AFF4: variants seen among roughly 807,000 people sequenced by gnomAD.
AFF4 encodes the protein ALF transcription elongation factor 4.
AFF4 carries 13 observed loss-of-function variants against 124.8 expected under a neutral mutation model. The observed-to-expected ratio is 0.10, with a 90% CI of 0.07 to 0.17. AFF4 has a LOEUF of 0.17. AFF4 is among the 10% of genes least tolerant of loss of function. The probability of loss-of-function intolerance (pLI) is 1.00; values close to 1 mark genes in which losing one functional copy is unlikely to be tolerated. For synonymous variants in AFF4, 477 were observed against 496.1 expected (o/e 0.96, Z 0.51); for missense variants, 1,092 against 1,403.8 (o/e 0.78, Z 3.55).
chr5:132,891,958 A>G, intron 13 of AFF4: 2 of 744,860 alleles, frequency 2.7e-6, no homozygotes, highest in South Asian at 3.9e-5. Context: ...TTTTTCTTTC[A>G]ATATGTATGT....
chr5:132,937,932 T>C (rs777879373), intron 1 of AFF4, among the ~76,000 whole-genome samples: 6 of 152,178 alleles, frequency 3.9e-5, no homozygotes, highest in Non-Finnish European at 8.8e-5. Context: ...TCAGGACAGT[T>C]TGTCTTATTT....
intron 1 of AFF4, among the ~76,000 whole-genome samples, chr5:132,945,895 T>C (rs1210056257): frequency 1.3e-5 from 2 of 151,702 alleles, no homozygotes; most frequent in Non-Finnish European, 2.9e-5. Context: ...ACCCCGTCTC[T>C]ACTAAAAATA....
chr5:132,900,462 TAGG>T (rs1760522766), intron 7 of AFF4, among the ~76,000 whole-genome samples: 1 of 151,664 alleles, frequency 6.6e-6, no homozygotes, highest in Admixed American at 6.6e-5. Flanking sequence ...GAGGATGAGG[TAGG>T]AGGAGAATTG....
chr5:132,925,444 T>C (rs1241112959), intron 5 of AFF4, among the ~76,000 whole-genome samples: 1 of 152,014 alleles, frequency 6.6e-6, no homozygotes, highest in East Asian at 1.9e-4. Flanking sequence ...GAGAAAGATA[T>C]ATTTTATTCA....
At chr5:132,931,009 A>C (rs915614834) in intron 4 of AFF4, among the ~76,000 whole-genome samples, 5 of 148,688 alleles carry the variant, frequency 3.4e-5, no homozygotes, top group African/African-American at 1.2e-4. Context: ...CAGGAGGCTG[A>C]GGCAGAAGAA....
intron 1 of AFF4, chr5:132,943,225 A>C (rs910441289): frequency 5.5e-6 from 1 of 182,528 alleles, no homozygotes. Context: ...AACAAAATGG[A>C]TTCCACTTAG....
chr5:132,956,080 C>G (rs1316669106), intron 1 of AFF4, among the ~76,000 whole-genome samples: 1 of 151,800 alleles, frequency 6.6e-6, no homozygotes, highest in African/African-American at 2.4e-5. Context: ...AAAACCCTAA[C>G]AGCCACCAAG....
At position 132,880,139 on chromosome 5, in the gene AFF4, TC is replaced by T. The variant is rs1759937501; in HGVS notation, c.*919del. 1.5e-5 allele frequency: 6 copies of T among 398,496 alleles called. No individual in the cohort carries two copies. Among genetic ancestry groups the T allele is most frequent in the Non-Finnish European group, 2.7e-5 (6 of 225,880 alleles). The allele number at this position is 398,496 out of a possible 1,614,324, so 24.7% of individuals were successfully genotyped here. A position where few individuals can be genotyped will look rare whatever the true frequency, so the allele number is the denominator to read the frequency against. ...GCGGCAATCCTCAGGAGTTGGATCA[TC>T]CTTTTTTCCACAGTAACTTATTCTG... On this transcript the variant is annotated 3_prime_UTR_variant, in exon 21 of 21. Coordinates refer to ENST00000265343, the MANE Select transcript of AFF4 (RefSeq NM_014423.4).
chr5:132,904,322 C>A, intron 6 of AFF4, 46 bp downstream of exon 6: 2 of 1,543,088 alleles, frequency 1.3e-6, no homozygotes, highest in South Asian at 2.3e-5. Context: ...ACTGAATGTT[C>A]AATAAATAGC....
At chr5:132,881,222 C>G in intron 20 of AFF4, 36 bp from the exon 21 acceptor site, 1 of 1,603,268 alleles carries the variant, frequency 6.2e-7, no homozygotes, top group Non-Finnish European at 8.5e-7. Flanking sequence ...ATGATATATA[C>G]TCTTTTGAAT....
chr5:132,958,150 T>C (rs1192333016), intron 1 of AFF4, among the ~76,000 whole-genome samples: 2 of 152,294 alleles, frequency 1.3e-5, no homozygotes, highest in African/African-American at 4.8e-5. Flanking sequence ...AATGAAATAT[T>C]ACAACACTTA....
chr5:132,918,847 A>G (rs1270594143), intron 5 of AFF4, among the ~76,000 whole-genome samples: 2 of 151,482 alleles, frequency 1.3e-5, no homozygotes, highest in African/African-American at 2.4e-5. Context: ...TCAAAATCCC[A>G]CAAGACTTTT....
At chr5:132,958,344 T>TA (rs1053338385) in intron 1 of AFF4, among the ~76,000 whole-genome samples, 5 of 151,628 alleles carry the variant, frequency 3.3e-5, no homozygotes, top group African/African-American at 1.2e-4. Flanking sequence ...TGCACACCTG[T>TA]AGTCCCAGCT....
chr5:132,956,393 G>C (rs1299782474), intron 1 of AFF4, among the ~76,000 whole-genome samples: 1 of 152,116 alleles, frequency 6.6e-6, no homozygotes, highest in Admixed American at 6.6e-5. Flanking sequence ...CACCTTGGAA[G>C]GCTAAGGCAG....
intron 1 of AFF4, among the ~76,000 whole-genome samples, chr5:132,962,257 C>T (rs1404140743): frequency 6.6e-6 from 1 of 152,194 alleles, no homozygotes; most frequent in Non-Finnish European, 1.5e-5. Flanking sequence ...AAAAACAGCA[C>T]ACATTTTATG....
intron 5 of AFF4, among the ~76,000 whole-genome samples, chr5:132,914,088 C>T (rs536834202): frequency 1.9e-3 from 287 of 151,774 alleles, no homozygotes; most frequent in African/African-American, 6.8e-3. Context: ...ATTAGTCAGG[C>T]ATGGTAGTGT....
In AFF4 at chr5:132,896,914, C is replaced by T. The variant is rs1241093875; in HGVS notation, c.1716G>A (p.Lys572=). The change falls in exon 11 of 21, where the codon AAG becomes AAA. Residue 572 remains lysine, a synonymous_variant. Transcript: ENST00000265343. ...CTCCACGAGGCTCTTCAGCAGCTGC[C>T]TTCTCAGCCTTTTTGGGTTGTTTTT... is the stretch of plus-strand genomic sequence containing the variant. ...VGKKQPKKAE[K]AAAEEPRGGL... is the part of the protein sequence containing the mutation. 1 of 1,614,020 alleles carries T rather than the reference C, an allele frequency of 6.2e-7. No homozygotes were observed. The highest frequency in any genetic ancestry group is 2.2e-5 in the East Asian group (1 of 44,884).
chr5:132,956,657 G>A (rs534959139), intron 1 of AFF4, among the ~76,000 whole-genome samples: 80 of 150,084 alleles, frequency 5.3e-4, no homozygotes, highest in Admixed American at 1.1e-3. Flanking sequence ...AAGAGAGAGC[G>A]AGAGAAAGAA....
chr5:132,930,147 G>T (rs957021774), intron 4 of AFF4, among the ~76,000 whole-genome samples: 1 of 152,086 alleles, frequency 6.6e-6, no homozygotes, highest in South Asian at 2.1e-4. Context: ...AATCCAAATG[G>T]AAACTCAGCT....
Sources: allele counts gnomAD v4.1 joint callset (sites outside exome capture counted in the v4.1 genomes callset), GRCh38; gene constraint gnomAD v4.1.1; transcripts MANE v1.5; gene names NCBI Gene and HGNC (gene_info 2026-07-23, HGNC 2026-07-21).